Variants in ARMC8 observed in about 807,000 individuals in gnomAD.
ARMC8 encodes armadillo repeat containing 8, also known as armadillo repeat-containing protein 8.
Under a neutral mutation model 99.3 loss-of-function variants are expected in ARMC8, and 20 were observed. The ratio of observed to expected loss-of-function variants is 0.20; its 90% CI spans 0.14 to 0.29. The LOEUF is 0.29. Among genes scored for constraint, ARMC8 ranks in the 10% least tolerant of loss-of-function variants. The pLI is 1.00. For missense variants in ARMC8, 569 were observed against 809.5 expected (o/e 0.70, Z 3.60); for synonymous variants, 263 against 278.3 (o/e 0.95, Z 0.55).
At chr3:138,282,685 C>T (rs1377226782) in intron 18 of ARMC8, among the ~76,000 whole-genome samples, 1 of 150,682 alleles carries the variant, frequency 6.6e-6, no homozygotes, top group Non-Finnish European at 1.5e-5. Flanking sequence ...ATTACCTTAT[C>T]CTGTAGGCTC....
chr3:138,205,706 G>C (rs752576406), intron 1 of ARMC8, among the ~76,000 whole-genome samples: 22 of 152,290 alleles, frequency 1.4e-4, no homozygotes, highest in Non-Finnish European at 2.4e-4. Flanking sequence ...GGGAGGCTGA[G>C]GTGGGAGGAT....
chr3:138,228,273 C>T lies in ARMC8; in HGVS notation c.436-645C>T, dbSNP rs1172433267. ...GGGATTACAGGCATGAGCCACCGCT[C>T]CTGGCCTGCATTCTAAATAAAAGGA... On this transcript the variant is annotated intron_variant, in intron 5 of 21. Coordinates refer to ENST00000469044, the MANE Select transcript of ARMC8 (RefSeq NM_001363941.2). Among the ~76,000 whole-genome samples the T allele has an allele frequency of 6.6e-5, 10 of 152,358 alleles. No individual in the cohort carries two copies. The East Asian group carries it at 1.9e-3, about 29-fold the overall frequency.
rs1380019322 is a variant in ARMC8 at position 138,241,840 on chromosome 3, G to A, written c.895G>A (p.Glu299Lys). ...SKERLLEERV[E>K]GAETLAYLIE... is the part of the protein sequence containing the mutation. ...GGAGAGATTACTAGAGGAGAGAGTT[G>A]AAGGAGCTGAGACACTTGCCTATCT... The change falls in exon 11 of 22, where the codon GAA (glutamate) becomes AAA (lysine). Residue 299 changes from glutamate to lysine, a missense_variant. By Grantham distance (56) the Glu-to-Lys change is moderately conservative. This residue lies in a region of ARMC8 where 342 missense variants were observed against 391.6 expected (regional missense o/e 0.87). Coordinates refer to ENST00000469044, the MANE Select transcript of ARMC8 (RefSeq NM_001363941.2). The A allele has an allele frequency of 6.2e-7, 1 of 1,614,030 alleles. No individual in the cohort carries two copies. Among genetic ancestry groups the A allele is most frequent in the Non-Finnish European group, 8.5e-7 (1 of 1,179,970 alleles).
chr3:138,279,501 T>C (rs2049658165), intron 18 of ARMC8, among the ~76,000 whole-genome samples: 1 of 152,238 alleles, frequency 6.6e-6, no homozygotes, highest in South Asian at 2.1e-4. Context: ...TATTGATGAA[T>C]AGTTTTTTAA....
chr3:138,235,868 C>T (rs763967389), intron 7 of ARMC8, among the ~76,000 whole-genome samples: 1 of 142,660 alleles, frequency 7.0e-6, no homozygotes, highest in Non-Finnish European at 1.5e-5. Flanking sequence ...TGCGGTTGCA[C>T]GATCTTGGCT....
At chr3:138,234,480 A>G (rs1012186472) in intron 6 of ARMC8, among the ~76,000 whole-genome samples, 1 of 152,224 alleles carries the variant, frequency 6.6e-6, no homozygotes, top group African/African-American at 2.4e-5. Context: ...TTCATTTCCC[A>G]GTTATGGAGT....
intron 16 of ARMC8, among the ~76,000 whole-genome samples, chr3:138,270,446 T>G (rs1408976126): frequency 6.6e-6 from 1 of 152,220 alleles, no homozygotes; most frequent in Non-Finnish European, 1.5e-5. Flanking sequence ...GCCACCTACT[T>G]TACAAAGCAC....
At chr3:138,285,904 C>T (rs2050360159) in intron 19 of ARMC8, among the ~76,000 whole-genome samples, 1 of 152,148 alleles carries the variant, frequency 6.6e-6, no homozygotes, top group African/African-American at 2.4e-5. Flanking sequence ...TTCTCATACC[C>T]ATCGAGACAT....
chr3:138,236,264 A>G (rs554602685), intron 7 of ARMC8, among the ~76,000 whole-genome samples: 1 of 152,324 alleles, frequency 6.6e-6, no homozygotes, highest in East Asian at 1.9e-4. Context: ...AAATAAATAT[A>G]TACTGAAAGG....
intron 5 of ARMC8, among the ~76,000 whole-genome samples, chr3:138,224,523 A>G (rs1471411408): frequency 6.6e-6 from 1 of 152,084 alleles, no homozygotes; most frequent in Non-Finnish European, 1.5e-5. Flanking sequence ...TTCAAGATGG[A>G]TATATCACCT....
At chr3:138,234,169 G>A (rs893724684) in intron 6 of ARMC8, among the ~76,000 whole-genome samples, 4 of 151,602 alleles carry the variant, frequency 2.6e-5, no homozygotes, top group Admixed American at 2.0e-4. Context: ...GCAGTGGTAC[G>A]ATCTTGGCTC....
intron 12 of ARMC8, among the ~76,000 whole-genome samples, chr3:138,254,628 T>G (rs2047291428): frequency 6.6e-6 from 1 of 152,218 alleles, no homozygotes; most frequent in Non-Finnish European, 1.5e-5. Context: ...TGACTAAACT[T>G]TATGAAATTG....
chr3:138,188,054 C>T (rs763885439), intron 1 of ARMC8: 13 of 227,304 alleles, frequency 5.7e-5, no homozygotes, highest in South Asian at 2.6e-4. Context: ...CTCCTTGGCC[C>T]CCATTTCCTC....
At chr3:138,252,950 A>G (rs1378052621) in intron 12 of ARMC8, among the ~76,000 whole-genome samples, 1 of 151,906 alleles carries the variant, frequency 6.6e-6, no homozygotes, top group East Asian at 1.9e-4. Flanking sequence ...ATACTTTCCT[A>G]CATACTGATT....
chr3:138,246,870 A>G (rs1447643822), intron 12 of ARMC8: 57 of 920,000 alleles, frequency 6.2e-5, no homozygotes, highest in Non-Finnish European at 7.3e-5. Flanking sequence ...ATAAAGAAAA[A>G]GTTATAATTA....
intron 1 of ARMC8, among the ~76,000 whole-genome samples, chr3:138,202,762 A>T (rs1339015610): frequency 1.3e-5 from 2 of 152,238 alleles, no homozygotes; most frequent in African/African-American, 4.8e-5. Flanking sequence ...AATAAAGAAC[A>T]CTATATTTTG....
intron 6 of ARMC8, among the ~76,000 whole-genome samples, chr3:138,232,870 G>A (rs539992815): frequency 6.6e-6 from 1 of 152,282 alleles, no homozygotes; most frequent in Admixed American, 6.5e-5. Flanking sequence ...ACAATGAGGT[G>A]CAAGAGGCTG....
At chr3:138,205,687 C>T (rs2044334643) in intron 1 of ARMC8, among the ~76,000 whole-genome samples, 3 of 152,130 alleles carry the variant, frequency 2.0e-5, no homozygotes, top group Non-Finnish European at 2.9e-5. Flanking sequence ...CCTGTAATCC[C>T]AGCACTCTGG....
At chr3:138,190,189 C>T (rs968819511) in intron 1 of ARMC8, among the ~76,000 whole-genome samples, 16 of 152,108 alleles carry the variant, frequency 1.1e-4, no homozygotes, top group African/African-American at 2.9e-4. Context: ...TTCCTACAGC[C>T]GCTCCTCGGT....
Sources: gnomAD v4.1 joint callset for allele counts (sites outside exome capture counted in the v4.1 genomes callset) on GRCh38, gnomAD v4.1.1 for gene constraint, gnomAD v4.1.1 regional missense constraint, MANE v1.5 for transcripts, NCBI Gene and HGNC (gene_info 2026-07-23, HGNC 2026-07-21) for gene names.